Variants in C12orf76 observed in about 807,000 individuals in gnomAD.
C12orf76 encodes chromosome 12 open reading frame 76, also known as uncharacterized protein C12orf76.
A neutral mutation model predicts 6.8 loss-of-function variants in C12orf76; 6 were observed. That is an observed-to-expected ratio of 0.88 (90% confidence interval 0.48 to 1.73). The LOEUF is 1.73. Ranked by LOEUF, C12orf76 falls within the 40% of genes most tolerant of loss-of-function variation. The pLI is 0.01. For synonymous variants in C12orf76, 56 were observed against 43.7 expected (o/e 1.28, Z -1.11); for missense variants, 99 against 98.2 (o/e 1.01, Z -0.03).
rs555294963 is a variant in C12orf76 at position 110,041,257 on chromosome 12, TACAA to T, written c.*1113_*1116del. 6.5e-6 allele frequency: 1 copy of T among 152,734 alleles called. No homozygotes were observed. The highest frequency in any genetic ancestry group is 2.1e-4 in the South Asian group (1 of 4,830). The allele number at this position is 152,734 out of a possible 1,614,324, so 9.5% of individuals were successfully genotyped here. ...TTTCAATGGTTCAATGTTACAAGATTACAAACAAAATCCTTACACAGTTACAGTA... is the reference window on the plus strand; with the variant it reads ...TTTCAATGGTTCAATGTTACAAGATTACAAAATCCTTACACAGTTACAGTA... On this transcript the variant is annotated 3_prime_UTR_variant, in exon 2 of 2. Transcript: ENST00000615315.
chr12:110,072,261 TA>T (rs1210182713), upstream of C12orf76, among the ~76,000 whole-genome samples: 592 of 124,162 alleles, frequency 4.8e-3, no homozygotes, highest in Middle Eastern at 8.5e-3. Flanking sequence ...ACCCCAAATC[TA>T]AAAAAAAAAA....
intron 3 of C12orf76, among the ~76,000 whole-genome samples, chr12:110,058,186 A>G (rs1164103466): frequency 1.3e-5 from 2 of 152,104 alleles, no homozygotes; most frequent in Non-Finnish European, 2.9e-5. Flanking sequence ...ACACAAACAG[A>G]TATACTGATG....
At chr12:110,060,556 T>C (rs1892752641) in intron 2 of C12orf76, among the ~76,000 whole-genome samples, 1 of 152,164 alleles carries the variant, frequency 6.6e-6, no homozygotes, top group Admixed American at 6.6e-5. Flanking sequence ...CTGACTTTCA[T>C]TGGATCTCTG....
rs1280154978 is a variant in C12orf76 at position 110,066,382 on chromosome 12, A to C, written n.207-349T>G. 3.6e-4 allele frequency among the ~76,000 whole-genome samples: 51 copies of C among 141,152 alleles called. 4 individuals are homozygous for C. The highest frequency in any genetic ancestry group is 3.1e-3 in the Admixed American group (44 of 14,138). 92.6% of individuals were successfully genotyped at this position (141,152 alleles called of 152,430 possible). On this transcript the variant is annotated intron_variant and non_coding_transcript_variant, in intron 1 of 4. Coordinates refer to the C12orf76 transcript ENST00000309050. ...AGACTCCATCTAAAAAAAAAAAAAA[A>C]AAAAAAAAAAAAAAAAAAAAAACGG...
chr12:110,060,619 A>G (rs919901695), intron 2 of C12orf76, among the ~76,000 whole-genome samples: 1 of 152,012 alleles, frequency 6.6e-6, no homozygotes, highest in African/African-American at 2.4e-5. Flanking sequence ...CACCCCTTAA[A>G]GGTTAGCCCT....
At chr12:110,068,247 AAAGAAGAAG>A (rs4042063), upstream of C12orf76, among the ~76,000 whole-genome samples, 2,701 of 63,622 alleles carry the variant, frequency 0.042, 78 homozygotes, top group African/African-American at 0.05. Context: ...GAAGAAGAAG[AAAGAAGAAG>A]AAGAAGAAGA....
intron 1 of C12orf76, among the ~76,000 whole-genome samples, chr12:110,066,297 G>A (rs73404675): frequency 0.31 from 44,701 of 146,454 alleles, 9,772 homozygotes; most frequent in African/African-American, 0.63. Context: ...TGAATCCAGG[G>A]GGCAGGGGTT....
upstream of C12orf76, among the ~76,000 whole-genome samples, chr12:110,051,751 A>G (rs1477925354): frequency 6.6e-6 from 1 of 151,480 alleles, no homozygotes; most frequent in Non-Finnish European, 1.5e-5. Context: ...AACATTGCCT[A>G]ACATGGACCC....
chr12:110,046,119 C>T (rs1261979015), intron 1 of C12orf76, among the ~76,000 whole-genome samples: 1 of 151,882 alleles, frequency 6.6e-6, no homozygotes, highest in Non-Finnish European at 1.5e-5. Flanking sequence ...ATTGCAGGCC[C>T]AGGCAGAACC....
upstream of C12orf76, among the ~76,000 whole-genome samples, chr12:110,070,342 T>C (rs1892947343): frequency 6.6e-6 from 1 of 151,946 alleles, no homozygotes; most frequent in Non-Finnish European, 1.5e-5. Flanking sequence ...GATAGGAGGA[T>C]TGCCTGAGGC....
chr12:110,050,761 A>G (rs1892560882), upstream of C12orf76: 6 of 568,416 alleles, frequency 1.1e-5, no homozygotes, highest in Non-Finnish European at 1.9e-5. Flanking sequence ...CTGTCTATGG[A>G]GTAGCCATTC....
At chr12:110,053,850 G>A (rs1210409938), upstream of C12orf76, among the ~76,000 whole-genome samples, 2 of 152,036 alleles carry the variant, frequency 1.3e-5, no homozygotes, top group African/African-American at 2.4e-5. Context: ...TTGGGAGGCT[G>A]AAGCAGGGGA....
chr12:110,056,352 TA>T (rs897937404), intron 4 of C12orf76, among the ~76,000 whole-genome samples: 1 of 152,140 alleles, frequency 6.6e-6, no homozygotes, highest in African/African-American at 2.4e-5. Flanking sequence ...CTTTTTGCTC[TA>T]AGAGGCTATA....
chr12:110,066,470 C>G (rs565882185), intron 1 of C12orf76, among the ~76,000 whole-genome samples: 195 of 148,334 alleles, frequency 1.3e-3, no homozygotes, highest in African/African-American at 4.6e-3. Flanking sequence ...AGCAGATCAC[C>G]TGAGGTCGGG....
intron 2 of C12orf76, among the ~76,000 whole-genome samples, chr12:110,061,476 G>A (rs2137233904): frequency 6.6e-6 from 1 of 151,686 alleles, no homozygotes; most frequent in East Asian, 1.9e-4. Flanking sequence ...TCTCCTAAAT[G>A]GTCTCCTTTC....
upstream of C12orf76, among the ~76,000 whole-genome samples, chr12:110,071,677 A>G (rs910146660): frequency 2.6e-5 from 4 of 152,136 alleles, no homozygotes; most frequent in Non-Finnish European, 5.9e-5. Flanking sequence ...CATCATCATC[A>G]TCATCATCAA....
At chr12:110,047,389 T>C (rs535478706) in intron 1 of C12orf76, among the ~76,000 whole-genome samples, 1 of 152,292 alleles carries the variant, frequency 6.6e-6, no homozygotes, top group Non-Finnish European at 1.5e-5. Flanking sequence ...TTTCCTTATC[T>C]GAAAAATAGA....
In C12orf76 at chr12:110,059,076, C is replaced by T. The variant is rs751712422; in HGVS notation, n.468G>A. ...GGTAAACAGCAGCGCCAGCTCTGAACGCAGCCATCTGGCTCCACAGCCTCA... is the reference window on the plus strand; with the variant it reads ...GGTAAACAGCAGCGCCAGCTCTGAATGCAGCCATCTGGCTCCACAGCCTCA... On this transcript the variant is annotated non_coding_transcript_exon_variant, in exon 3 of 5. Transcript: ENST00000309050. 60 of 1,551,594 alleles carry T rather than the reference C, an allele frequency of 3.9e-5. No homozygotes were observed. In the Middle Eastern group the frequency reaches 1.0e-3, roughly 26 times the overall value.
intron 1 of C12orf76, among the ~76,000 whole-genome samples, chr12:110,066,388 A>C (rs1476327829): frequency 1.4e-5 from 2 of 145,326 alleles, no homozygotes. Context: ...AAAAAAAAAA[A>C]AAAAAAAAAA....
Sources: gnomAD v4.1 joint callset for allele counts (sites outside exome capture counted in the v4.1 genomes callset) on GRCh38, gnomAD v4.1.1 for gene constraint, MANE v1.5 for transcripts, NCBI Gene and HGNC (gene_info 2026-07-23, HGNC 2026-07-21) for gene names.